Variants in TPRG1 observed in about 807,000 individuals in gnomAD.
The protein encoded by TPRG1 is tumor protein p63-regulated gene 1 protein.
TPRG1 carries 29 observed loss-of-function variants against 29.3 expected under a neutral mutation model. The ratio of observed to expected loss-of-function variants is 0.99; its 90% CI spans 0.74 to 1.35. The LOEUF is 1.35. Ranked by LOEUF, TPRG1 falls within the 40% of genes most tolerant of loss-of-function variation. TPRG1 has a pLI of 0.00. For synonymous variants in TPRG1, 130 were observed against 116.8 expected (o/e 1.11, Z -0.73); for missense variants, 327 against 335.0 (o/e 0.98, Z 0.19).
At chr3:189,296,582 C>A (rs925585572) in intron 4 of TPRG1, among the ~76,000 whole-genome samples, 1 of 151,996 alleles carries the variant, frequency 6.6e-6, no homozygotes, top group African/African-American at 2.4e-5. Context: ...AGTATTGTTT[C>A]CTTTTTATGG....
chr3:189,282,586 A>G (rs1345644868), intron 4 of TPRG1, among the ~76,000 whole-genome samples: 1 of 150,130 alleles, frequency 6.7e-6, no homozygotes, highest in East Asian at 1.9e-4. Flanking sequence ...CCTTTCCTCT[A>G]TTCCTCTCTC....
intron 2 of TPRG1, among the ~76,000 whole-genome samples, chr3:189,209,543 G>T (rs1295142790): frequency 1.3e-5 from 2 of 152,078 alleles, no homozygotes. Flanking sequence ...GAGCAATACT[G>T]GGAGGCAGGC....
intron 4 of TPRG1, among the ~76,000 whole-genome samples, chr3:189,067,477 G>A (rs1232897658): frequency 6.6e-6 from 1 of 152,120 alleles, no homozygotes; most frequent in Admixed American, 6.5e-5. Context: ...TAGAAACATA[G>A]ATCAATGGAA....
At chr3:189,058,280 A>G (rs1386346578) in intron 4 of TPRG1, among the ~76,000 whole-genome samples, 1 of 152,166 alleles carries the variant, frequency 6.6e-6, no homozygotes, top group Non-Finnish European at 1.5e-5. Context: ...GGATCTTTTC[A>G]TCATCCAAAG....
intron 5 of TPRG1, among the ~76,000 whole-genome samples, chr3:189,310,889 C>T (rs943893375): frequency 6.6e-6 from 1 of 151,972 alleles, no homozygotes; most frequent in African/African-American, 2.4e-5. Flanking sequence ...AAGCATAGTT[C>T]GATGAGGTTC....
intron 3 of TPRG1, among the ~76,000 whole-genome samples, chr3:189,015,620 C>T (rs931358525): frequency 6.6e-6 from 1 of 152,110 alleles, no homozygotes; most frequent in African/African-American, 2.4e-5. Flanking sequence ...TAAGCCAGGC[C>T]CAGGGCCCTG....
At chr3:189,266,990 G>C (rs1232939555) in intron 4 of TPRG1, among the ~76,000 whole-genome samples, 1 of 152,012 alleles carries the variant, frequency 6.6e-6, no homozygotes, top group East Asian at 1.9e-4. Flanking sequence ...GAGGACAATG[G>C]TCTAGTTGTC....
intron 4 of TPRG1, among the ~76,000 whole-genome samples, chr3:189,291,588 T>C (rs1719010152): frequency 6.6e-6 from 1 of 152,214 alleles, no homozygotes; most frequent in African/African-American, 2.4e-5. Context: ...ATTTTGGTTT[T>C]AGTTTTCACA....
chr3:189,229,999 G>GTCTT (rs1357083478), intron 3 of TPRG1, among the ~76,000 whole-genome samples: 6 of 152,166 alleles, frequency 3.9e-5, no homozygotes, highest in African/African-American at 1.4e-4. Flanking sequence ...TTAGAATGGG[G>GTCTT]TCTTGTTCTC....
intron 4 of TPRG1, among the ~76,000 whole-genome samples, chr3:189,259,534 G>A (rs145694148): frequency 8.6e-4 from 119 of 138,768 alleles, no homozygotes; most frequent in African/African-American, 3.1e-3. Context: ...GTGTGATCTC[G>A]GCTCACTGCA....
chr3:189,135,162 C>A (rs772472630), intron 3 of TPRG1, among the ~76,000 whole-genome samples: 3 of 152,206 alleles, frequency 2.0e-5, no homozygotes, highest in Non-Finnish European at 4.4e-5. Context: ...GCCATCTACA[C>A]TCTTCAGCAT....
chr3:189,267,812 G>A (rs1714377722), intron 4 of TPRG1: 1 of 152,104 alleles, frequency 6.6e-6, no homozygotes, highest in South Asian at 2.1e-4. Flanking sequence ...TGTCCTTATA[G>A]CCTATAGCAC....
chr3:189,028,314 A>C (rs550373644), intron 4 of TPRG1, among the ~76,000 whole-genome samples: 1 of 152,320 alleles, frequency 6.6e-6, no homozygotes, highest in East Asian at 1.9e-4. Flanking sequence ...GGCATTCCAT[A>C]AATTGCTCAT....
intron 5 of TPRG1, among the ~76,000 whole-genome samples, 166 bp from the exon 6 acceptor site, chr3:189,320,460 C>T (rs990348182): frequency 1.3e-5 from 2 of 152,096 alleles, no homozygotes; most frequent in African/African-American, 4.8e-5. Context: ...CAGTTATTAA[C>T]TGAATTAACT....
chr3:189,068,100 A>G (rs1418946834), intron 4 of TPRG1, among the ~76,000 whole-genome samples: 1 of 152,224 alleles, frequency 6.6e-6, no homozygotes, highest in African/African-American at 2.4e-5. Context: ...AGAGAAATGT[A>G]ATTCAAAACC....
chr3:189,305,897 G>A (rs1230264544), intron 4 of TPRG1, among the ~76,000 whole-genome samples: 3 of 152,180 alleles, frequency 2.0e-5, no homozygotes, highest in African/African-American at 7.2e-5. Context: ...TAGAAGTAAA[G>A]AGTACATTGT....
intron 4 of TPRG1, among the ~76,000 whole-genome samples, chr3:189,300,124 A>G (rs1720610169): frequency 6.6e-6 from 1 of 152,244 alleles, no homozygotes. Context: ...ATTGGTTGGC[A>G]TAAATGCTTC....
At chr3:189,313,547 C>T (rs1329386499) in intron 5 of TPRG1, among the ~76,000 whole-genome samples, 2 of 152,130 alleles carry the variant, frequency 1.3e-5, no homozygotes, top group South Asian at 2.1e-4. Context: ...CTGAGTTATG[C>T]AGTCAACACT....
chr3:189,262,283 A>T (rs1197929298), intron 4 of TPRG1, among the ~76,000 whole-genome samples: 1 of 147,126 alleles, frequency 6.8e-6, no homozygotes, highest in Admixed American at 6.7e-5. Flanking sequence ...TATGAAGTAT[A>T]CGTCTTTGAA....
Sources: allele counts gnomAD v4.1 joint callset (sites outside exome capture counted in the v4.1 genomes callset), GRCh38; gene constraint gnomAD v4.1.1; transcripts MANE v1.5; gene names NCBI Gene and HGNC (gene_info 2026-07-23, HGNC 2026-07-21).